Variants in GLDC observed in about 807,000 individuals in gnomAD.
GLDC encodes glycine decarboxylase, also known as glycine dehydrogenase (decarboxylating), mitochondrial.
Under a neutral mutation model 121.3 loss-of-function variants are expected in GLDC, and 104 were observed. That is an observed-to-expected ratio of 0.86 (90% CI 0.73 to 1.01). The LOEUF is 1.01. Among genes scored for constraint, GLDC ranks in the 50% least tolerant of loss-of-function variants. The pLI is 0.00. For missense variants in GLDC, 1,429 were observed against 1,306.6 expected (o/e 1.09, Z -1.44); for synonymous variants, 546 against 480.6 (o/e 1.14, Z -1.78).
At chr9:6,558,481 C>A (rs924456005) in intron 17 of GLDC, 78 bp downstream of exon 17, 46 of 1,495,948 alleles carry the variant, frequency 3.1e-5, no homozygotes, top group Non-Finnish European at 4.1e-5. Flanking sequence ...AAGACATTTA[C>A]ATAATCCATC....
intron 15 of GLDC, among the ~76,000 whole-genome samples, chr9:6,575,000 C>T (rs1180686796): frequency 6.6e-6 from 1 of 152,100 alleles, no homozygotes; most frequent in Admixed American, 6.5e-5. Flanking sequence ...CTCTCCAACC[C>T]AGTGATGCAC....
At chr9:6,626,325 T>G (rs549755868) in intron 2 of GLDC, among the ~76,000 whole-genome samples, 1 of 152,216 alleles carries the variant, frequency 6.6e-6, no homozygotes, top group East Asian at 1.9e-4. Context: ...TCCTGACAAT[T>G]AGCTCCAGGA....
chr9:6,586,166 A>G (rs982502593), intron 15 of GLDC, among the ~76,000 whole-genome samples: 4 of 152,086 alleles, frequency 2.6e-5, no homozygotes, highest in Admixed American at 1.3e-4. Context: ...GTGGTAGCAC[A>G]TGCCTGTAAT....
At position 6,565,354 on chromosome 9, in the gene GLDC, C is replaced by T. The variant is rs772101467; in HGVS notation, c.1926G>A (p.Thr642=). Residue 642 remains threonine, a splice_region_variant and synonymous_variant, in exon 16 of 25, where the codon ACG becomes ACA. Transcript: ENST00000321612. ...YLNQKGEGHR[T]VCLIPKSAHG... is the part of the protein sequence containing the mutation. Reference sequence around the variant, plus strand: ...AAGCGCCACCTCCTGCCATACTCACCGTTCTGTGCCCCTCTCCTTTCTGGT... The same window carrying T: ...AAGCGCCACCTCCTGCCATACTCACTGTTCTGTGCCCCTCTCCTTTCTGGT... 58 of 1,610,390 alleles carry T rather than the reference C, an allele frequency of 3.6e-5. No individual in the cohort carries two copies. Among genetic ancestry groups the T allele is most frequent in the Non-Finnish European group, 4.8e-5 (56 of 1,176,636 alleles).
At chr9:6,549,215 T>C (rs1817458160) in intron 21 of GLDC, among the ~76,000 whole-genome samples, 1 of 152,232 alleles carries the variant, frequency 6.6e-6, no homozygotes, top group African/African-American at 2.4e-5. Context: ...GTGTCTCTCC[T>C]TATTATGCGT....
At chr9:6,599,821 T>C (rs1818565247) in intron 8 of GLDC, among the ~76,000 whole-genome samples, 1 of 151,922 alleles carries the variant, frequency 6.6e-6, no homozygotes. Context: ...CTTCCTATCA[T>C]ACTGGAAGAG....
intron 24 of GLDC, 87 bp from the exon 25 acceptor site, chr9:6,533,247 C>A: frequency 9.5e-7 from 1 of 1,047,272 alleles, no homozygotes; most frequent in East Asian, 2.4e-5. Flanking sequence ...AGTCCCACAA[C>A]CTAAGACACC....
intron 16 of GLDC, among the ~76,000 whole-genome samples, chr9:6,559,463 C>T (rs1275427680): frequency 1.4e-5 from 2 of 144,364 alleles, no homozygotes; most frequent in East Asian, 2.0e-4. Context: ...TGCGGTGAGC[C>T]GAGATTGCGC....
intron 11 of GLDC, 70 bp from the exon 12 acceptor site, chr9:6,589,362 T>A: frequency 2.3e-6 from 2 of 879,278 alleles, no homozygotes; most frequent in Non-Finnish European, 3.9e-6. Flanking sequence ...TCCAGGCTTC[T>A]GGGTGGCTGG....
chr9:6,604,536 A>G, intron 7 of GLDC, 52 bp downstream of exon 7: 1 of 1,474,932 alleles, frequency 6.8e-7, no homozygotes, highest in Non-Finnish European at 9.5e-7. Context: ...GATCAGAAGA[A>G]ATCAGGGAAA....
At chr9:6,534,613 G>A in intron 24 of GLDC, 95 bp downstream of exon 24, 1 of 733,052 alleles carries the variant, frequency 1.4e-6, no homozygotes, top group Non-Finnish European at 2.5e-6. Context: ...CCCCACATAT[G>A]GTTTCTGTAA....
At chr9:6,619,145 G>GAAAAAAAAAAAAAAAA in intron 3 of GLDC, among the ~76,000 whole-genome samples, 1 of 30,196 alleles carries the variant, frequency 3.3e-5, no homozygotes, top group Admixed American at 5.2e-4. Flanking sequence ...TCTGTCTCAG[G>GAAAAAAAAAAAAAAAA]CAAAAAAAAA....
At chr9:6,568,151 A>G (rs1276089972) in intron 15 of GLDC, among the ~76,000 whole-genome samples, 1 of 152,208 alleles carries the variant, frequency 6.6e-6, no homozygotes, top group Non-Finnish European at 1.5e-5. Flanking sequence ...AGTGTAGGAG[A>G]AAGACTATAT....
At chr9:6,640,833 T>C (rs1819616419) in intron 2 of GLDC, among the ~76,000 whole-genome samples, 1 of 152,162 alleles carries the variant, frequency 6.6e-6, no homozygotes, top group Non-Finnish European at 1.5e-5. Context: ...GAATTAATTA[T>C]AAAATGAATA....
chr9:6,640,576 A>G (rs1227581508), intron 2 of GLDC, among the ~76,000 whole-genome samples: 1 of 152,254 alleles, frequency 6.6e-6, no homozygotes, highest in Non-Finnish European at 1.5e-5. Flanking sequence ...GCACAAGTCC[A>G]TCATTCTGAC....
chr9:6,569,211 A>T (rs1817906742), intron 15 of GLDC: 1 of 152,198 alleles, frequency 6.6e-6, no homozygotes, highest in South Asian at 2.1e-4. Context: ...CATGGCAGAG[A>T]TAGGGTGAGG....
intron 21 of GLDC, among the ~76,000 whole-genome samples, chr9:6,542,561 G>A (rs1197854985): frequency 6.6e-6 from 1 of 151,952 alleles, no homozygotes; most frequent in African/African-American, 2.4e-5. Context: ...TAACAATGAT[G>A]GGGAATAAAC....
chr9:6,545,545 A>G (rs972739328), intron 21 of GLDC, among the ~76,000 whole-genome samples: 5 of 152,214 alleles, frequency 3.3e-5, no homozygotes, highest in South Asian at 2.1e-4. Flanking sequence ...ACATTCCTGT[A>G]TACTACCATA....
intron 5 of GLDC, 42 bp downstream of exon 5, chr9:6,606,550 A>G (rs201913762): frequency 4.6e-6 from 5 of 1,092,306 alleles, no homozygotes. Context: ...AGAGATGAAC[A>G]TGACATTATA....
Sources: gnomAD v4.1 joint callset for allele counts (sites outside exome capture counted in the v4.1 genomes callset) on GRCh38, gnomAD v4.1.1 for gene constraint, MANE v1.5 for transcripts, NCBI Gene and HGNC (gene_info 2026-07-23, HGNC 2026-07-21) for gene names.